Variants in NR5A2 observed in about 807,000 individuals in gnomAD.
The protein encoded by NR5A2 is CYP7A promoter-binding factor.
Under a neutral mutation model 62.7 loss-of-function variants are expected in NR5A2, and 26 were observed. The observed-to-expected ratio is 0.41, with a 90% CI of 0.30 to 0.58. The LOEUF is 0.58. NR5A2 is among the 20% of genes least tolerant of loss of function. The pLI is 0.22. For synonymous variants in NR5A2, 246 were observed against 241.7 expected (o/e 1.02, Z -0.16); for missense variants, 541 against 669.1 (o/e 0.81, Z 2.11).
At chr1:200,117,794 A>T (rs189741406) in intron 6 of NR5A2, among the ~76,000 whole-genome samples, 37 of 151,718 alleles carry the variant, frequency 2.4e-4, no homozygotes, top group African/African-American at 8.2e-4. Context: ...GCTCACTGCA[A>T]CCTCCGCCTC....
intron 7 of NR5A2, among the ~76,000 whole-genome samples, chr1:200,154,440 C>T (rs151222834): frequency 1.8e-3 from 269 of 152,324 alleles, no homozygotes; most frequent in Non-Finnish European, 2.7e-3. Context: ...ACAATAATCA[C>T]CAGCCCTGAT....
At chr1:200,153,147 T>C (rs1005706553) in intron 7 of NR5A2, among the ~76,000 whole-genome samples, 22 of 152,260 alleles carry the variant, frequency 1.4e-4, no homozygotes, top group African/African-American at 5.3e-4. Flanking sequence ...TATGCAGTAG[T>C]ACTTATCTAA....
In NR5A2 at chr1:200,048,877, C is replaced by T. The variant is rs536209420; in HGVS notation, c.1110+59C>T. On this transcript the variant is annotated intron_variant, in intron 5 of 7. Coordinates refer to ENST00000367362, the MANE Select transcript of NR5A2 (RefSeq NM_205860.3). The surrounding 1 kb of genome is among the most constrained non-coding windows in gnomAD (Gnocchi z 4.8). ...CTTTTAAGAGAGACCTAACTATGTT[C>T]CTAATTAATACATTCTTGGTGCTGA... The T allele has an allele frequency of 6.4e-7, 1 of 1,559,998 alleles. No individual in the cohort carries two copies. Among genetic ancestry groups the T allele is most frequent in the Admixed American group, 1.8e-5 (1 of 56,672 alleles).
chr1:200,027,865 T>C lies in NR5A2; in HGVS notation c.18T>C (p.Asp6=). 2.5e-6 allele frequency: 4 copies of C among 1,606,134 alleles called. No homozygotes were observed. Among genetic ancestry groups the C allele is most frequent in the Non-Finnish European group, 3.4e-6 (4 of 1,176,044 alleles). Residue 6 remains aspartate, a synonymous_variant, in exon 1 of 8, where the codon GAT becomes GAC. Coordinates refer to ENST00000367362, the MANE Select transcript of NR5A2 (RefSeq NM_205860.3). ...CACTAAGAATGTCTTCTAATTCAGATACTGGGGATTTACAAGAGTCTTTAA... is the reference window on the plus strand; with the variant it reads ...CACTAAGAATGTCTTCTAATTCAGACACTGGGGATTTACAAGAGTCTTTAA... MSSNS[D]TGDLQESLKH...
chr1:200,059,375 C>T (rs1174304615), intron 5 of NR5A2, among the ~76,000 whole-genome samples: 1 of 152,216 alleles, frequency 6.6e-6, no homozygotes, highest in Non-Finnish European at 1.5e-5. Context: ...CTGGTTCCTA[C>T]TGAACAATCG....
intron 5 of NR5A2, among the ~76,000 whole-genome samples, chr1:200,082,853 G>C (rs2821314): frequency 1.3e-5 from 2 of 151,698 alleles, no homozygotes; most frequent in South Asian, 2.1e-4. Flanking sequence ...ATATTTATTA[G>C]TGTTTTTAAC....
intron 5 of NR5A2, among the ~76,000 whole-genome samples, chr1:200,066,502 C>T (rs979505475): frequency 1.3e-5 from 2 of 151,942 alleles, no homozygotes; most frequent in African/African-American, 2.4e-5. Context: ...GACCACTCCA[C>T]GCAGATATAA....
At chr1:200,050,133 A>C (rs1228554880) in intron 5 of NR5A2, among the ~76,000 whole-genome samples, 1 of 152,250 alleles carries the variant, frequency 6.6e-6, no homozygotes, top group East Asian at 1.9e-4. Context: ...CAATTAGGCC[A>C]GATATTTTCC....
rs1390421252 is a variant in NR5A2, at chr1:200,144,229, TCTCTCACACACA to T, written c.1378+23276_1378+23287del. ...CCAGCACTGTTTCTCTCTCTCTCTC[TCTCTCACACACA>T]CACACACACACACACACACACACAC... On this transcript the variant is annotated intron_variant, in intron 7 of 7. Transcript: ENST00000367362. Among the ~76,000 whole-genome samples the T allele has an allele frequency of 0.022, 2,744 of 127,044 alleles. 173 individuals carry two copies. In the East Asian group the frequency reaches 0.23, roughly 11 times the overall value. The allele number at this position is 127,044 out of a possible 152,430, so 83.3% of individuals were successfully genotyped here.
rs1482110974 is a variant in NR5A2 at position 200,048,780 on chromosome 1, G to C, written c.1072G>C (p.Glu358Gln). The change falls in exon 5 of 8, where the codon GAG (glutamate) becomes CAG (glutamine). Residue 358 changes from glutamate to glutamine, a missense_variant. Glu to Gln is a conservative substitution (Grantham distance 29). Transcript: ENST00000367362. This position sits in a 1 kb window ranked among gnomAD's most constrained non-coding sequence, Gnocchi z 4.8. ...MADQTLFSIV[E>Q]WARSSIFFRE... The stretch of plus-strand genomic sequence containing the variant: ...AGATCAAACTCTCTTCTCCATTGTC[G>C]AGTGGGCCAGGAGTAGTATCTTCTT... The C allele has an allele frequency of 3.7e-6, 6 of 1,614,154 alleles. No individual in the cohort carries two copies. Among genetic ancestry groups the C allele is most frequent in the South Asian group, 1.1e-5 (1 of 91,076 alleles).
intron 5 of NR5A2, among the ~76,000 whole-genome samples, chr1:200,058,730 C>T (rs1297808977): frequency 5.4e-5 from 8 of 149,350 alleles, no homozygotes; most frequent in South Asian, 4.3e-4. Context: ...CCACCTGCCT[C>T]GGCCTCCCAA....
At chr1:200,097,336 A>G (rs1196367293) in intron 5 of NR5A2, among the ~76,000 whole-genome samples, 5 of 152,206 alleles carry the variant, frequency 3.3e-5, no homozygotes, top group Non-Finnish European at 5.9e-5. Context: ...ATGGGAAGGG[A>G]TACAGTTCTG....
intron 5 of NR5A2, among the ~76,000 whole-genome samples, chr1:200,089,607 C>T (rs1424969530): frequency 6.6e-6 from 1 of 152,154 alleles, no homozygotes; most frequent in Non-Finnish European, 1.5e-5. Context: ...GTAGCTGAGA[C>T]TATAGGCGTG....
intron 1 of NR5A2, among the ~76,000 whole-genome samples, chr1:200,038,263 A>C (rs1181643641): frequency 6.6e-6 from 1 of 152,238 alleles, no homozygotes; most frequent in Non-Finnish European, 1.5e-5. Flanking sequence ...GCCTGGACTG[A>C]TCCTTGTATT....
intron 5 of NR5A2, among the ~76,000 whole-genome samples, chr1:200,053,569 G>GCGCGCACACACACACA (rs374944913): frequency 4.2e-5 from 6 of 141,994 alleles, no homozygotes; most frequent in African/African-American, 1.3e-4. Context: ...GCATGCACAC[G>GCGCGCACACACACACA]CACACACACA....
In NR5A2 at chr1:200,164,549, C is replaced by CTTTT. The variant is rs35458399; in HGVS notation, c.1379-9401_1379-9398dup. On this transcript the variant is annotated intron_variant, in intron 7 of 7. Transcript: ENST00000367362. ...CCACTTTTCCATAGATTTTAATAGA[C>CTTTT]TTTTTTTTTTTTTTTTGAGACAGAG... Among the ~76,000 whole-genome samples the CTTTT allele has an allele frequency of 6.4e-5, 9 of 139,616 alleles. No individual in the cohort carries two copies. In the South Asian group the frequency reaches 6.9e-4, roughly 11 times the overall value. 91.6% of individuals were successfully genotyped at this position (139,616 alleles called of 152,430 possible).
chr1:200,056,106 T>C (rs1019417825), intron 5 of NR5A2, among the ~76,000 whole-genome samples: 1 of 152,230 alleles, frequency 6.6e-6, no homozygotes, highest in South Asian at 2.1e-4. Context: ...TGAGAATTTA[T>C]GTTATTTCAG....
At chr1:200,102,402 G>A (rs562945873) in intron 5 of NR5A2, among the ~76,000 whole-genome samples, 1 of 152,290 alleles carries the variant, frequency 6.6e-6, no homozygotes, top group South Asian at 2.1e-4. Flanking sequence ...CCTGTACTGA[G>A]TGACTCTGGA....
At chr1:200,146,447 T>C (rs1463255129) in intron 7 of NR5A2, among the ~76,000 whole-genome samples, 1 of 152,200 alleles carries the variant, frequency 6.6e-6, no homozygotes, top group African/African-American at 2.4e-5. Flanking sequence ...ACAGTTGTGA[T>C]TGTAACAGGC....
Sources: gnomAD v4.1 joint callset for allele counts (sites outside exome capture counted in the v4.1 genomes callset) on GRCh38, gnomAD v4.1.1 for gene constraint, Gnocchi (gnomAD v3.1) non-coding constraint, MANE v1.5 for transcripts, NCBI Gene and HGNC (gene_info 2026-07-23, HGNC 2026-07-21) for gene names.